The following AUTS2 variants were observed in gnomAD, a reference collection of about 807,000 sequenced individuals.
AUTS2 encodes the protein activator of transcription and developmental regulator AUTS2.
A neutral mutation model predicts 112.4 loss-of-function variants in AUTS2; 17 were observed. That is an observed-to-expected ratio of 0.15 (90% CI 0.10 to 0.23). AUTS2 has a LOEUF of 0.23. Ranked by LOEUF, AUTS2 falls within the 10% of genes least tolerant of loss-of-function variation. The pLI is 1.00. For synonymous variants in AUTS2, 751 were observed against 702.7 expected (o/e 1.07, Z -1.09); for missense variants, 1,510 against 1,701.6 (o/e 0.89, Z 1.98).
chr7:69,995,065 A>G (rs563996869), intron 2 of AUTS2, among the ~76,000 whole-genome samples: 248 of 152,254 alleles, frequency 1.6e-3, no homozygotes, highest in South Asian at 3.7e-3. Context: ...GGAATTTTAA[A>G]TATTGGCATA....
At chr7:70,197,466 C>T (rs528802845) in intron 4 of AUTS2, among the ~76,000 whole-genome samples, 2 of 140,778 alleles carry the variant, frequency 1.4e-5, no homozygotes, top group South Asian at 2.5e-4. Flanking sequence ...AGACAGTGGG[C>T]GCAGGCCAGT....
At chr7:70,414,681 A>G (rs879063709) in intron 4 of AUTS2, among the ~76,000 whole-genome samples, 13 of 152,048 alleles carry the variant, frequency 8.5e-5, no homozygotes, top group African/African-American at 3.1e-4. Context: ...GGGGTGGTAA[A>G]ATATGTTGCC....
chr7:70,576,962 C>A (rs940354300), intron 5 of AUTS2, among the ~76,000 whole-genome samples: 1 of 149,754 alleles, frequency 6.7e-6, no homozygotes, highest in African/African-American at 2.5e-5. Flanking sequence ...TGGAGTAAGA[C>A]AAACCAGCAG....
At position 70,698,627 on chromosome 7, in the gene AUTS2, C is replaced by G. The variant is rs1386997302; in HGVS notation, c.742+7C>G. 11 of 1,598,218 alleles carry G rather than the reference C, an allele frequency of 6.9e-6. No homozygotes were observed. In the African/African-American group the frequency reaches 9.4e-5, roughly 14 times the overall value. ...ACTGTTATTGTAAACAAAGGTAAGA[C>G]CCATTCATTCTCCTGAGTAATGGCT... On this transcript the variant is annotated splice_region_variant and intron_variant, in intron 6 of 18. Coordinates refer to ENST00000342771, the MANE Select transcript of AUTS2 (RefSeq NM_015570.4).
intron 2 of AUTS2, among the ~76,000 whole-genome samples, chr7:69,934,872 T>C (rs1199458760): frequency 6.6e-6 from 1 of 152,106 alleles, no homozygotes; most frequent in Admixed American, 6.5e-5. Flanking sequence ...GGCCCCAAAC[T>C]GATGTGCGTG....
chr7:69,645,494 A>T (rs1794983928), intron 1 of AUTS2, among the ~76,000 whole-genome samples: 1 of 152,168 alleles, frequency 6.6e-6, no homozygotes, highest in African/African-American at 2.4e-5. Flanking sequence ...AGGAAACAGG[A>T]ATCATAAATC....
At chr7:70,328,601 C>A (rs1790600530) in intron 4 of AUTS2, among the ~76,000 whole-genome samples, 1 of 152,056 alleles carries the variant, frequency 6.6e-6, no homozygotes, top group African/African-American at 2.4e-5. Context: ...TTGGGTTAAG[C>A]TGGTGGGCTA....
chr7:70,508,528 G>T (rs1360755227), intron 5 of AUTS2, among the ~76,000 whole-genome samples: 1 of 151,844 alleles, frequency 6.6e-6, no homozygotes, highest in African/African-American at 2.4e-5. Context: ...TCCTTCCTCC[G>T]CCTTCCCAAA....
chr7:70,421,495 A>G (rs1330597496), intron 4 of AUTS2, among the ~76,000 whole-genome samples: 3 of 152,192 alleles, frequency 2.0e-5, no homozygotes, highest in Non-Finnish European at 4.4e-5. Context: ...TGCAGCTCTG[A>G]TTGCCTCTGT....
In AUTS2 at chr7:69,755,567, T is replaced by G. The variant is rs534442331; in HGVS notation, c.310-143719T>G. Among the ~76,000 whole-genome samples the G allele has an allele frequency of 3.3e-5, 5 of 152,334 alleles. No individual in the cohort carries two copies. The South Asian group carries it at 1.0e-3, about 32-fold the overall frequency. ...TTACGGGTCTGACATCGCTGTTGTT[T>G]TTCCTGGGAATACTTGAGGTGTCAC... On this transcript the variant is annotated intron_variant, in intron 1 of 18. Transcript: ENST00000342771.
chr7:69,923,197 A>G (rs1185411902), intron 2 of AUTS2, among the ~76,000 whole-genome samples: 4 of 152,166 alleles, frequency 2.6e-5, no homozygotes, highest in Non-Finnish European at 4.4e-5. Flanking sequence ...TCTTTTGCAT[A>G]TGGATATTCA....
At chr7:69,757,423 C>G (rs1787985665) in intron 1 of AUTS2, among the ~76,000 whole-genome samples, 1 of 152,114 alleles carries the variant, frequency 6.6e-6, no homozygotes, top group Non-Finnish European at 1.5e-5. Context: ...AATCTGAATC[C>G]CAATATAGTG....
intron 1 of AUTS2, among the ~76,000 whole-genome samples, chr7:69,624,157 A>G (rs1057093775): frequency 3.3e-5 from 5 of 152,204 alleles, no homozygotes; most frequent in African/African-American, 9.7e-5. Context: ...TCTAAGATCT[A>G]TCTTTTCTGC....
chr7:69,667,575 C>T lies in AUTS2; in HGVS notation c.309+67613C>T, dbSNP rs575181820. The stretch of plus-strand genomic sequence containing the variant: ...TTCGCCATATTGGCCAGGCTGGTCT[C>T]AAACTCCTGATCTCAGGTGATCTGC... On this transcript the variant is annotated intron_variant, in intron 1 of 18. Coordinates refer to ENST00000342771, the MANE Select transcript of AUTS2 (RefSeq NM_015570.4). Among the ~76,000 whole-genome samples, 6 of 152,144 alleles carry T rather than the reference C, an allele frequency of 3.9e-5. No homozygotes were observed. In the East Asian group the frequency reaches 1.2e-3, roughly 30 times the overall value.
chr7:70,559,846 T>A (rs1801405776), intron 5 of AUTS2, among the ~76,000 whole-genome samples: 1 of 152,174 alleles, frequency 6.6e-6, no homozygotes, highest in Admixed American at 6.5e-5. Context: ...GTCTTGTCAC[T>A]ACCTATAATG....
chr7:70,541,105 A>AT (rs1800536250), intron 5 of AUTS2, among the ~76,000 whole-genome samples: 1 of 152,148 alleles, frequency 6.6e-6, no homozygotes, highest in Admixed American at 6.5e-5. Context: ...CCCTCCAGGC[A>AT]TTTGAAAGCA....
At chr7:69,814,186 C>T (rs939458948) in intron 1 of AUTS2, among the ~76,000 whole-genome samples, 1 of 152,168 alleles carries the variant, frequency 6.6e-6, no homozygotes, top group Non-Finnish European at 1.5e-5. Context: ...TTTCTTGGCA[C>T]CACACATTTT....
At chr7:70,152,934 A>G (rs1807524193) in intron 4 of AUTS2, among the ~76,000 whole-genome samples, 1 of 152,194 alleles carries the variant, frequency 6.6e-6, no homozygotes, top group Non-Finnish European at 1.5e-5. Context: ...ATGTACAACC[A>G]TAAACTCTAG....
intron 2 of AUTS2, among the ~76,000 whole-genome samples, chr7:70,001,346 G>A (rs1321292649): frequency 4.6e-5 from 7 of 151,954 alleles, no homozygotes; most frequent in East Asian, 1.9e-4. Flanking sequence ...GGCTGGTCTC[G>A]AACACGTGAG....
Sources: allele counts gnomAD v4.1 joint callset (sites outside exome capture counted in the v4.1 genomes callset), GRCh38; gene constraint gnomAD v4.1.1; transcripts MANE v1.5; gene names NCBI Gene and HGNC (gene_info 2026-07-23, HGNC 2026-07-21).